KIAA1671: variants seen among roughly 807,000 people sequenced by gnomAD.
KIAA1671 encodes uncharacterized protein KIAA1671.
In KIAA1671, 52 loss-of-function variants were observed where a neutral mutation model predicts 131.2. The observed-to-expected ratio is 0.40, with a 90% CI of 0.32 to 0.50. KIAA1671 has a LOEUF of 0.50. Among genes scored for constraint, KIAA1671 ranks in the 20% least tolerant of loss-of-function variants. KIAA1671 has a pLI of 0.73. For missense variants in KIAA1671, 2,360 were observed against 2,364.2 expected, an observed-to-expected ratio of 1.00 and a Z score of 0.04; for synonymous variants, 1,003 against 961.6, an observed-to-expected ratio of 1.04 and a Z score of -0.80.
intron 6 of KIAA1671, among the ~76,000 whole-genome samples, chr22:25,164,835 C>G (rs1424958638): frequency 2.6e-5 from 4 of 151,920 alleles, no homozygotes; most frequent in Non-Finnish European, 5.9e-5. Flanking sequence ...GTAGTCCCAG[C>G]TATTCGGGAG....
intron 1 of KIAA1671, among the ~76,000 whole-genome samples, chr22:24,999,888 C>T (rs765492952): frequency 6.7e-5 from 10 of 149,024 alleles, no homozygotes; most frequent in African/African-American, 1.2e-4. Context: ...CATTTATGTG[C>T]TTTGTTTGTT....
chr22:25,112,481 A>T (rs1931417156), intron 6 of KIAA1671: 2 of 398,716 alleles, frequency 5.0e-6, no homozygotes, highest in South Asian at 1.3e-4. Flanking sequence ...ATTATGTTTT[A>T]AAAAATATTA....
In KIAA1671 at chr22:25,161,233, C is replaced by T. The variant is rs181109854; in HGVS notation, c.4531-9587C>T. 1.8e-3 allele frequency among the ~76,000 whole-genome samples: 275 copies of T among 152,298 alleles called. 3 individuals carry two copies. In the South Asian group the frequency reaches 0.032, roughly 17 times the overall value. ...AGAATTGTGACAAAAAACAGCGACC[C>T]CCTTGGAGACTGCATGTGCTGGGAG... On this transcript the variant is annotated intron_variant, in intron 6 of 12. Transcript: ENST00000358431.
chr22:25,017,216 C>G, intron 1 of KIAA1671, among the ~76,000 whole-genome samples: 1 of 152,142 alleles, frequency 6.6e-6, no homozygotes, highest in Non-Finnish European at 1.5e-5. Flanking sequence ...AACCCCGTCT[C>G]TACTAAAAAT....
Position 25,145,398 on chromosome 22 carries a change from G to A in KIAA1671, c.4531-25422G>A, listed in dbSNP as rs146703393. 9.5e-4 allele frequency among the ~76,000 whole-genome samples: 144 copies of A among 152,314 alleles called. 1 individual carries two copies. The highest frequency in any genetic ancestry group is 1.6e-3 in the Non-Finnish European group (108 of 68,030). ...CTGCCTGTGGGCCATGAGGATGATG[G>A]TGGTTTCCCCAAGGCCACACAGCAT... On this transcript the variant is annotated intron_variant, in intron 6 of 12. Transcript: ENST00000358431.
chr22:25,126,611 GGTTGTCAGAACATCTAGATCCTTCCA>G (rs1268418426), intron 6 of KIAA1671, among the ~76,000 whole-genome samples: 1 of 152,210 alleles, frequency 6.6e-6, no homozygotes, highest in African/African-American at 2.4e-5. Flanking sequence ...CCTGAGCCTT[GGTTGTCAGAACATCTAGATCCTTCCA>G]GTTCACTTCT....
intron 10 of KIAA1671, among the ~76,000 whole-genome samples, chr22:25,182,928 A>G (rs899324602): frequency 2.0e-5 from 3 of 152,152 alleles, no homozygotes; most frequent in African/African-American, 7.2e-5. Flanking sequence ...CCCAAATTGC[A>G]CCAGAATGCC....
chr22:25,094,055 A>T (rs1010477264), intron 6 of KIAA1671, among the ~76,000 whole-genome samples: 1 of 151,984 alleles, frequency 6.6e-6, no homozygotes, highest in African/African-American at 2.4e-5. Context: ...CCACATCCAA[A>T]CACGAAGGCT....
chr22:24,962,824 C>T (rs1050557306), intron 1 of KIAA1671, among the ~76,000 whole-genome samples: 3 of 152,138 alleles, frequency 2.0e-5, no homozygotes, highest in African/African-American at 7.2e-5. Flanking sequence ...GCGCTTTCCC[C>T]CTTCTGCTGT....
chr22:25,027,801 C>G (rs1926031335), intron 2 of KIAA1671, 144 bp from the exon 3 acceptor site: 3 of 484,622 alleles, frequency 6.2e-6, no homozygotes, highest in Non-Finnish European at 1.1e-5. Flanking sequence ...GAGGCAGGCC[C>G]AAGCCTGCCG....
intron 6 of KIAA1671, among the ~76,000 whole-genome samples, chr22:25,093,848 C>T (rs139296401): frequency 2.5e-4 from 17 of 67,690 alleles, no homozygotes; most frequent in African/African-American, 7.1e-4. Flanking sequence ...GTCTCTCTCT[C>T]TCTCTCTCTC....
intron 6 of KIAA1671, chr22:25,054,307 T>C (rs1185926170): frequency 2.0e-5 from 3 of 149,668 alleles, no homozygotes; most frequent in African/African-American, 7.3e-5. Context: ...AATTTTCTTT[T>C]TTTTTCTTAA....
At chr22:25,189,748 T>A (rs1440669849) in intron 11 of KIAA1671, among the ~76,000 whole-genome samples, 1 of 150,414 alleles carries the variant, frequency 6.6e-6, no homozygotes, top group African/African-American at 2.4e-5. Flanking sequence ...TGGATGGAAA[T>A]AATTTTATAT....
chr22:25,083,538 G>A (rs1929524204), intron 6 of KIAA1671, among the ~76,000 whole-genome samples: 1 of 152,164 alleles, frequency 6.6e-6, no homozygotes, highest in Admixed American at 6.5e-5. Flanking sequence ...GTTATTATGT[G>A]CATTTTACAG....
chr22:25,193,201 A>G lies in KIAA1671; in HGVS notation c.*800A>G, dbSNP rs1429939331. The stretch of plus-strand genomic sequence containing the variant: ...CTGAAGTATCCAGTCACCTCAGGTT[A>G]TCTTATCCCTATCCAAGCTGTTTAG... On this transcript the variant is annotated 3_prime_UTR_variant, in exon 13 of 13. Coordinates refer to ENST00000358431, the MANE Select transcript of KIAA1671 (RefSeq NM_001145206.2). The G allele has an allele frequency of 1.3e-5, 2 of 152,220 alleles. No individual in the cohort carries two copies. 9.4% of individuals were successfully genotyped at this position (152,220 alleles called of 1,614,324 possible). A position where few individuals can be genotyped will look rare whatever the true frequency, so the allele number is the denominator to read the frequency against.
intron 6 of KIAA1671, among the ~76,000 whole-genome samples, chr22:25,130,934 C>T (rs180749387): frequency 3.9e-5 from 6 of 152,356 alleles, no homozygotes; most frequent in Admixed American, 2.6e-4. Context: ...ACCAAGGTTG[C>T]TCCTTGAGGT....
chr22:25,180,462 C>A (rs1204421073), intron 9 of KIAA1671, among the ~76,000 whole-genome samples: 1 of 152,042 alleles, frequency 6.6e-6, no homozygotes, highest in Non-Finnish European at 1.5e-5. Context: ...CGATTGAACC[C>A]AGGAGGCGGA....
intron 1 of KIAA1671, among the ~76,000 whole-genome samples, chr22:24,993,938 G>A (rs1277891077): frequency 6.6e-6 from 1 of 152,008 alleles, no homozygotes; most frequent in Admixed American, 6.6e-5. Context: ...AAAATTAGCC[G>A]GGCATGGTAG....
chr22:25,072,835 G>A (rs527512171), intron 6 of KIAA1671, among the ~76,000 whole-genome samples: 9 of 152,274 alleles, frequency 5.9e-5, no homozygotes, highest in African/African-American at 1.7e-4. Context: ...GGAGGCCACC[G>A]TCAGATTTGG....
Sources: gnomAD v4.1 joint callset for allele counts (sites outside exome capture counted in the v4.1 genomes callset) on GRCh38, gnomAD v4.1.1 for gene constraint, MANE v1.5 for transcripts, NCBI Gene and HGNC (gene_info 2026-07-23, HGNC 2026-07-21) for gene names.